The following GOLGA6D variants were observed in gnomAD, a reference collection of about 807,000 sequenced individuals.
GOLGA6D encodes golgin A6 family member D, also known as golgin subfamily A member 6D.
Under a neutral mutation model 42.1 loss-of-function variants are expected in GOLGA6D, and 9 were observed. The observed-to-expected ratio is 0.21, with a 90% CI of 0.13 to 0.37. The LOEUF (loss-of-function observed/expected upper bound fraction) is 0.37. Among genes scored for constraint, GOLGA6D ranks in the 10% least tolerant of loss-of-function variants. GOLGA6D has a pLI of 1.00. For missense variants in GOLGA6D, 87 were observed against 420.8 expected (o/e 0.21, Z 6.94); for synonymous variants, 39 against 167.3 (o/e 0.23, Z 5.92).
chr15:75,278,046 C>CTT (rs2070832583), upstream of GOLGA6D, among the ~76,000 whole-genome samples: 1 of 119,508 alleles, frequency 8.4e-6, no homozygotes, highest in Non-Finnish European at 1.6e-5. Flanking sequence ...TGTTTTACTA[C>CTT]TTTGTAACCC....
upstream of GOLGA6D, among the ~76,000 whole-genome samples, chr15:75,278,922 T>A (rs2070837766): frequency 6.7e-6 from 1 of 149,958 alleles, no homozygotes; most frequent in African/African-American, 2.5e-5. Context: ...ATGATAAAAA[T>A]TTCTGCAGCA....
upstream of GOLGA6D, among the ~76,000 whole-genome samples, chr15:75,278,983 T>C (rs2070837993): frequency 6.7e-6 from 1 of 148,676 alleles, no homozygotes; most frequent in Non-Finnish European, 1.5e-5. Context: ...TCTTTTGACA[T>C]GCACAGCAGC....
chr15:75,288,749 G>T (rs903021836), intron 7 of GOLGA6D, among the ~76,000 whole-genome samples: 1 of 133,558 alleles, frequency 7.5e-6, no homozygotes, highest in Non-Finnish European at 1.6e-5. Flanking sequence ...GTGTGTGTGT[G>T]TGTACTATGA....
chr15:75,288,230 G>A, intron 6 of GOLGA6D, 28 bp from the exon 7 acceptor site: 2 of 1,367,500 alleles, frequency 1.5e-6, no homozygotes, highest in Non-Finnish European at 2.0e-6. Flanking sequence ...GAGTCTTTTG[G>A]GCCCCATCTC....
chr15:75,276,653 G>A, the GOLGA6D span, among the ~76,000 whole-genome samples: 10 of 68,552 alleles, frequency 1.5e-4, no homozygotes, highest in Admixed American at 4.0e-4. Context: ...CTCCCATGAC[G>A]CCTGTAAGGG....
At chr15:75,276,364 GTGC>G in the GOLGA6D span, among the ~76,000 whole-genome samples, 1 of 150,988 alleles carries the variant, frequency 6.6e-6, no homozygotes. Flanking sequence ...AGGTCCCATT[GTGC>G]CACCTCCAGA....
At chr15:75,281,000 G>A (rs2070842773), upstream of GOLGA6D, among the ~76,000 whole-genome samples, 1 of 140,560 alleles carries the variant, frequency 7.1e-6, no homozygotes, top group Non-Finnish European at 1.5e-5. Context: ...TGAAAATACA[G>A]CCAGTGATTC....
chr15:75,294,373 C>T lies in GOLGA6D; in HGVS notation c.1980C>T (p.Asn660=). The T allele has an allele frequency of 1.9e-6, 3 of 1,597,908 alleles. No homozygotes were observed. The highest frequency in any genetic ancestry group is 2.5e-6 in the Non-Finnish European group (3 of 1,177,760). The change falls in exon 18 of 18, where the codon AAC becomes AAT. Residue 660 remains asparagine (N), a synonymous_variant. Coordinates refer to ENST00000434739, the MANE Select transcript of GOLGA6D (RefSeq NM_001145224.3). Reference sequence around the variant, plus strand: ...TTTTTTATGAAGTGAGCCTGGACAACAACGTGGAGCCTGCACCAGGAGTGG... The same window carrying T: ...TTTTTTATGAAGTGAGCCTGGACAATAACGTGGAGCCTGCACCAGGAGTGG... ...QDVFYEVSLD[N]NVEPAPGVAR...
chr15:75,278,031 G>A (rs1273488716), upstream of GOLGA6D, among the ~76,000 whole-genome samples: 1 of 118,120 alleles, frequency 8.5e-6, no homozygotes, highest in African/African-American at 3.8e-5. Context: ...TCACTTCCAA[G>A]CCCATGTTTT....
At chr15:75,277,696 C>T in the GOLGA6D span, among the ~76,000 whole-genome samples, 3 of 131,500 alleles carry the variant, frequency 2.3e-5, no homozygotes, top group African/African-American at 6.2e-5. Flanking sequence ...CACGGTGGTG[C>T]CTGTGGTCCC....
Position 75,295,508 on chromosome 15 carries a change from C to A in GOLGA6D, c.*1033C>A, listed in dbSNP as rs1467341724. 1 of 144,714 alleles carries A rather than the reference C, an allele frequency of 6.9e-6. No homozygotes were observed. Among genetic ancestry groups the A allele is most frequent in the Non-Finnish European group, 1.5e-5 (1 of 66,964 alleles). The allele number at this position is 144,714 out of a possible 1,614,324, so 9.0% of individuals were successfully genotyped here. A position where few individuals can be genotyped will look rare whatever the true frequency, so the allele number is the denominator to read the frequency against. On this transcript the variant is annotated 3_prime_UTR_variant, in exon 18 of 18. Transcript: ENST00000434739. ...TCACATGAGTATATGTCCCAGTACACAAAAGGGCACTGGTTGGCATTCTTC... is the reference window on the plus strand; with the variant it reads ...TCACATGAGTATATGTCCCAGTACAAAAAAGGGCACTGGTTGGCATTCTTC...
At chr15:75,276,251 TA>T in the GOLGA6D span, among the ~76,000 whole-genome samples, 302 of 145,368 alleles carry the variant, frequency 2.1e-3, no homozygotes, top group African/African-American at 7.6e-3. Flanking sequence ...TGTCCCTTCC[TA>T]GCCCCCTCTG....
upstream of GOLGA6D, among the ~76,000 whole-genome samples, chr15:75,277,874 C>T (rs1167544085): frequency 4.7e-5 from 7 of 150,094 alleles, no homozygotes; most frequent in East Asian, 2.0e-4. Flanking sequence ...AGAAAAAGGT[C>T]GAGACAGTGT....
chr15:75,288,659 T>G lies in GOLGA6D; in HGVS notation c.564+295T>G, dbSNP rs2070864837. On this transcript the variant is annotated intron_variant, in intron 7 of 17. Transcript: ENST00000434739. ...TCCTAGGTGGGGTATTGGGTAGTTG[T>G]TCTGTGAAGGTACAGAAGAGCACCT... Among the ~76,000 whole-genome samples the G allele has an allele frequency of 1.5e-5, 2 of 134,492 alleles. 1 individual carries two copies. The highest frequency in any genetic ancestry group is 6.0e-5 in the African/African-American group (2 of 33,452). The allele number at this position is 134,492 out of a possible 152,430, so 88.2% of individuals were successfully genotyped here. A position where few individuals can be genotyped will look rare whatever the true frequency, so the allele number is the denominator to read the frequency against.
At position 75,295,296 on chromosome 15, in the gene GOLGA6D, TG is replaced by T. The variant is rs2070901536; in HGVS notation, c.*824del. The T allele has an allele frequency of 6.7e-6, 1 of 150,196 alleles. No homozygotes were observed. Among genetic ancestry groups the T allele is most frequent in the Non-Finnish European group, 1.5e-5 (1 of 67,920 alleles). The allele number at this position is 150,196 out of a possible 1,614,324, so 9.3% of individuals were successfully genotyped here. A position where few individuals can be genotyped will look rare whatever the true frequency, so the allele number is the denominator to read the frequency against. On this transcript the variant is annotated 3_prime_UTR_variant, in exon 18 of 18. Coordinates refer to ENST00000434739, the MANE Select transcript of GOLGA6D (RefSeq NM_001145224.3). ...GTTCCCTTAGGATTTGTATGTGCTC[TG>T]GGCTCATGAAGATATTGCATCATGA...
At position 75,289,396 on chromosome 15, in the gene GOLGA6D, G is replaced by A. The variant is rs1393156829; in HGVS notation, c.565-1G>A. The A allele has an allele frequency of 3.2e-6, 5 of 1,550,272 alleles. No individual in the cohort carries two copies. Among genetic ancestry groups the A allele is most frequent in the Non-Finnish European group, 4.4e-6 (5 of 1,145,644 alleles). ...AAAACTTCTCACTCTTCACCATCCA[G>A]TCCTCGAGCTGCAGAGAAGCGGTCC... is the stretch of plus-strand genomic sequence containing the variant. On this transcript the variant is annotated splice_acceptor_variant, in intron 7 of 17. Transcript: ENST00000434739. LOFTEE classifies it high-confidence loss of function.
At chr15:75,278,826 C>A (rs537047448), upstream of GOLGA6D, among the ~76,000 whole-genome samples, 1 of 151,662 alleles carries the variant, frequency 6.6e-6, no homozygotes, top group Non-Finnish European at 1.5e-5. Context: ...GACACATGCT[C>A]ATACTTATTA....
the GOLGA6D span, among the ~76,000 whole-genome samples, chr15:75,276,233 C>T: frequency 1.3e-5 from 2 of 151,812 alleles, no homozygotes; most frequent in Non-Finnish European, 2.9e-5. Context: ...TGCCCCTCAG[C>T]TGTCCTCTGT....
At chr15:75,278,531 G>A (rs1158272958), upstream of GOLGA6D, among the ~76,000 whole-genome samples, 6 of 151,026 alleles carry the variant, frequency 4.0e-5, no homozygotes, top group South Asian at 2.1e-4. Context: ...GGCTTGCCTC[G>A]GGACACCATC....
Sources: gnomAD v4.1 joint callset for allele counts (sites outside exome capture counted in the v4.1 genomes callset) on GRCh38, gnomAD v4.1.1 for gene constraint, MANE v1.5 for transcripts, NCBI Gene and HGNC (gene_info 2026-07-23, HGNC 2026-07-21) for gene names.